KIRREL3: variants seen among roughly 807,000 people sequenced by gnomAD.
The protein encoded by KIRREL3 is kin of IRRE-like protein 3.
A neutral mutation model predicts 89.7 loss-of-function variants in KIRREL3; 36 were observed. That is an observed-to-expected ratio of 0.40 (90% confidence interval 0.31 to 0.53). The LOEUF is 0.53. Ranked by LOEUF, KIRREL3 falls within the 20% of genes least tolerant of loss-of-function variation. The probability of loss-of-function intolerance (pLI) is 0.49; values close to 1 mark genes in which losing one functional copy is unlikely to be tolerated. For missense variants in KIRREL3, 864 were observed against 1,056.6 expected (o/e 0.82, Z 2.53); for synonymous variants, 445 against 441.4 (o/e 1.01, Z -0.10).
At chr11:126,907,848 T>A (rs903127470) in intron 1 of KIRREL3, among the ~76,000 whole-genome samples, 15 of 152,058 alleles carry the variant, frequency 9.9e-5, no homozygotes, top group African/African-American at 3.4e-4. Flanking sequence ...AGTTCCCCCA[T>A]CAAGTCCAGG....
rs1053279275 is a variant in KIRREL3 at position 126,501,909 on chromosome 11, A to G, written c.433+19406T>C. ...TTACATGCACCCAGGTGCCAAGGTA[A>G]GCACGGACGAGTGGGGACTGGTGGG... On this transcript the variant is annotated intron_variant, in intron 4 of 16. Transcript: ENST00000525144. The surrounding 1 kb of genome is among the most constrained non-coding windows in gnomAD (Gnocchi z 5.8). Among the ~76,000 whole-genome samples, 4 of 152,216 alleles carry G rather than the reference A, an allele frequency of 2.6e-5. No individual in the cohort carries two copies. The highest frequency in any genetic ancestry group is 3.9e-4 in the East Asian group (2 of 5,186).
At chr11:126,774,630 A>G (rs1950118116) in intron 1 of KIRREL3, among the ~76,000 whole-genome samples, 2 of 152,178 alleles carry the variant, frequency 1.3e-5, no homozygotes, top group Non-Finnish European at 1.5e-5. Context: ...CTGCATTTAC[A>G]TGAGCTGTGC....
rs895890797 is a variant in KIRREL3 at position 126,892,752 on chromosome 11, T to C, written c.55+107703A>G. 2.6e-5 allele frequency among the ~76,000 whole-genome samples: 4 copies of C among 152,188 alleles called. No individual in the cohort carries two copies. Among genetic ancestry groups the C allele is most frequent in the Non-Finnish European group, 5.9e-5 (4 of 68,034 alleles). On this transcript the variant is annotated intron_variant, in intron 1 of 16. Transcript: ENST00000525144. The surrounding 1 kb of genome is among the most constrained non-coding windows in gnomAD (Gnocchi z 5.4). ...TTCTATGCCCCCAGCACTATGGCCA[T>C]GACAGCCTCCAGATAGGAGAAGGGT...
At chr11:126,899,478 C>T (rs1183653904) in intron 1 of KIRREL3, among the ~76,000 whole-genome samples, 2 of 152,164 alleles carry the variant, frequency 1.3e-5, no homozygotes, top group South Asian at 2.1e-4. Context: ...TGCAGAACAC[C>T]GATTAACTTC....
intron 6 of KIRREL3, among the ~76,000 whole-genome samples, chr11:126,461,781 A>C (rs1956552456): frequency 6.6e-6 from 1 of 152,090 alleles, no homozygotes. Context: ...CTGGAGAGAC[A>C]CTCGGAGCCC....
rs1228934334 is a variant in KIRREL3 at position 126,883,158 on chromosome 11, T to C, written c.55+117297A>G. ...TCTGAAAATTAATTGAGTCAGATACTGAATCTGGAGCCTAACTCCTTGGCA... is the reference window on the plus strand; with the variant it reads ...TCTGAAAATTAATTGAGTCAGATACCGAATCTGGAGCCTAACTCCTTGGCA... On this transcript the variant is annotated intron_variant, in intron 1 of 16. Transcript: ENST00000525144. The surrounding 1 kb of genome is among the most constrained non-coding windows in gnomAD (Gnocchi z 4.1). Among the ~76,000 whole-genome samples, 1 of 152,178 alleles carries C rather than the reference T, an allele frequency of 6.6e-6. No homozygotes were observed. Among genetic ancestry groups the C allele is most frequent in the Non-Finnish European group, 1.5e-5 (1 of 68,022 alleles).
Position 126,873,421 on chromosome 11 carries a change from G to A in KIRREL3, c.55+127034C>T, listed in dbSNP as rs907034923. 9.2e-5 allele frequency among the ~76,000 whole-genome samples: 14 copies of A among 152,218 alleles called. No individual in the cohort carries two copies. In the South Asian group the frequency reaches 2.3e-3, roughly 25 times the overall value. ...GATAATAGATCAAGCAAACAGATTGGGGAGCGATGCCGGGCTGTTTGTAGA... is the reference window on the plus strand; with the variant it reads ...GATAATAGATCAAGCAAACAGATTGAGGAGCGATGCCGGGCTGTTTGTAGA... On this transcript the variant is annotated intron_variant, in intron 1 of 16. Transcript: ENST00000525144.
chr11:126,977,400 T>G lies in KIRREL3; in HGVS notation c.55+23055A>C, dbSNP rs1394114406. On this transcript the variant is annotated intron_variant, in intron 1 of 16. Coordinates refer to ENST00000525144, the MANE Select transcript of KIRREL3 (RefSeq NM_032531.4). The surrounding 1 kb of genome is among the most constrained non-coding windows in gnomAD (Gnocchi z 4.7). The stretch of plus-strand genomic sequence containing the variant: ...TTCTTTTTCATCACCCAGCTTTTCA[T>G]ATTGTTTATTTTCTACTGCCTCTGG... 6.6e-6 allele frequency among the ~76,000 whole-genome samples: 1 copy of G among 152,156 alleles called. No individual in the cohort carries two copies. Among genetic ancestry groups the G allele is most frequent in the African/African-American group, 2.4e-5 (1 of 41,452 alleles).
intron 1 of KIRREL3, among the ~76,000 whole-genome samples, chr11:126,585,399 A>G (rs1413226504): frequency 6.6e-6 from 1 of 151,576 alleles, no homozygotes; most frequent in Non-Finnish European, 1.5e-5. Context: ...ACGCCCGGCT[A>G]CATTTTGTAT....
intron 7 of KIRREL3, among the ~76,000 whole-genome samples, chr11:126,451,575 TGTGTGTGC>T (rs1283250800): frequency 1.5e-3 from 219 of 147,850 alleles, no homozygotes; most frequent in African/African-American, 5.1e-3. Context: ...CATGTGCATG[TGTGTGTGC>T]GTGTGTGTAC....
In KIRREL3 at chr11:126,598,079, C is replaced by T. The variant is rs149011923; in HGVS notation, c.56-35167G>A. Among the ~76,000 whole-genome samples, 59 of 152,332 alleles carry T rather than the reference C, an allele frequency of 3.9e-4. No individual in the cohort carries two copies. In the East Asian group the frequency reaches 8.7e-3, roughly 22 times the overall value. On this transcript the variant is annotated intron_variant, in intron 1 of 16. Transcript: ENST00000525144. ...GACCAGCCAATAGCTAATGAGCAGG[C>T]GCAAGAATATTTTCCTGGAGTTCTT... is the stretch of plus-strand genomic sequence containing the variant.
At position 126,978,598 on chromosome 11, in the gene KIRREL3, G is replaced by A. The variant is rs928208690; in HGVS notation, c.55+21857C>T. ...TTCTGGCCACGCCCAGCTCCGTGTG[G>A]GTCCCTGAGTGGTCTACGTTCTCCC... is the stretch of plus-strand genomic sequence containing the variant. On this transcript the variant is annotated intron_variant, in intron 1 of 16. Coordinates refer to ENST00000525144, the MANE Select transcript of KIRREL3 (RefSeq NM_032531.4). The surrounding 1 kb of genome is among the most constrained non-coding windows in gnomAD (Gnocchi z 4.2). Among the ~76,000 whole-genome samples, 6 of 152,196 alleles carry A rather than the reference G, an allele frequency of 3.9e-5. No homozygotes were observed. Among genetic ancestry groups the A allele is most frequent in the South Asian group, 2.1e-4 (1 of 4,800 alleles).
chr11:126,506,777 A>G (rs1256058001), intron 4 of KIRREL3, among the ~76,000 whole-genome samples: 1 of 148,924 alleles, frequency 6.7e-6, no homozygotes, highest in Middle Eastern at 3.2e-3. Context: ...CATAGCAACA[A>G]TTTTTTTTTT....
rs1946996571 is a variant in KIRREL3 at position 126,694,230 on chromosome 11, G to C, written c.56-131318C>G. Among the ~76,000 whole-genome samples the C allele has an allele frequency of 6.6e-6, 1 of 152,220 alleles. No homozygotes were observed. The highest frequency in any genetic ancestry group is 2.4e-5 in the African/African-American group (1 of 41,462). On this transcript the variant is annotated intron_variant, in intron 1 of 16. Transcript: ENST00000525144. The surrounding 1 kb of genome is among the most constrained non-coding windows in gnomAD (Gnocchi z 4.4). ...AAAAAGGCTCTTTGTTTTTCCCCCAGTCCGAACTCCTAGCTCATCAAACCT... is the reference window on the plus strand; with the variant it reads ...AAAAAGGCTCTTTGTTTTTCCCCCACTCCGAACTCCTAGCTCATCAAACCT...
At chr11:126,743,914 GT>G (rs1167543191) in intron 1 of KIRREL3, among the ~76,000 whole-genome samples, 3 of 152,218 alleles carry the variant, frequency 2.0e-5, no homozygotes, top group African/African-American at 4.8e-5. Context: ...ATGCATGCAT[GT>G]ACAGTGTATA....
At chr11:126,839,171 C>T (rs754558864) in intron 1 of KIRREL3, among the ~76,000 whole-genome samples, 5 of 152,110 alleles carry the variant, frequency 3.3e-5, no homozygotes, top group Non-Finnish European at 7.4e-5. Context: ...CCATATGCTG[C>T]TGAAAAACAA....
chr11:126,903,521 A>T lies in KIRREL3; in HGVS notation c.55+96934T>A, dbSNP rs1169420499. 6.6e-6 allele frequency among the ~76,000 whole-genome samples: 1 copy of T among 152,190 alleles called. No individual in the cohort carries two copies. Among genetic ancestry groups the T allele is most frequent in the East Asian group, 1.9e-4 (1 of 5,194 alleles). On this transcript the variant is annotated intron_variant, in intron 1 of 16. Transcript: ENST00000525144. This position sits in a 1 kb window ranked among gnomAD's most constrained non-coding sequence, Gnocchi z 4.5. ...TTTCCGACTTAGCTTTTCTTTCTCT[A>T]ACCCTTTTCTCATTTCCTACTATTA... is the stretch of plus-strand genomic sequence containing the variant.
chr11:126,856,555 G>GTATATATATA (rs36218965), intron 1 of KIRREL3, among the ~76,000 whole-genome samples: 201 of 136,654 alleles, frequency 1.5e-3, no homozygotes, highest in Non-Finnish European at 2.4e-3. Context: ...ATTTTTCTAA[G>GTATATATATA]TATATATATA....
Position 126,553,355 on chromosome 11 carries a change from C to T in KIRREL3, c.133+9480G>A, listed in dbSNP as rs1939435532. 6.6e-6 allele frequency among the ~76,000 whole-genome samples: 1 copy of T among 152,162 alleles called. No homozygotes were observed. The highest frequency in any genetic ancestry group is 6.5e-5 in the Admixed American group (1 of 15,276). On this transcript the variant is annotated intron_variant, in intron 2 of 16. Coordinates refer to ENST00000525144, the MANE Select transcript of KIRREL3 (RefSeq NM_032531.4). The surrounding 1 kb of genome is among the most constrained non-coding windows in gnomAD (Gnocchi z 4.7). ...GTCAGTGTCTATTCTAGGCAAGACC[C>T]ATTTGTAGACCCGCAGCACCAGTCT... is the stretch of plus-strand genomic sequence containing the variant.
Sources: gnomAD v4.1 joint callset for allele counts (sites outside exome capture counted in the v4.1 genomes callset) on GRCh38, gnomAD v4.1.1 for gene constraint, Gnocchi (gnomAD v3.1) non-coding constraint, MANE v1.5 for transcripts, NCBI Gene and HGNC (gene_info 2026-07-23, HGNC 2026-07-21) for gene names.